DDX10: variants seen among roughly 807,000 people sequenced by gnomAD.
DDX10 encodes the protein probable ATP-dependent RNA helicase DDX10.
In DDX10, 74 loss-of-function variants were observed where a neutral mutation model predicts 104.3. The ratio of observed to expected loss-of-function variants is 0.71; its 90% CI spans 0.59 to 0.86. The LOEUF is 0.86. Ranked by LOEUF, DDX10 falls within the 40% of genes least tolerant of loss-of-function variation. The pLI, the probability that DDX10 is intolerant of heterozygous loss-of-function variation, is 0.00. For synonymous variants in DDX10, 351 were observed against 353.4 expected (o/e 0.99, Z 0.08); for missense variants, 952 against 1,040.0 (o/e 0.92, Z 1.16).
chr11:108,813,265 T>C (rs1030028522), intron 13 of DDX10, among the ~76,000 whole-genome samples: 2 of 150,488 alleles, frequency 1.3e-5, no homozygotes, highest in African/African-American at 2.4e-5. Flanking sequence ...TAATATCTGA[T>C]GCCACTTTTT....
intron 4 of DDX10, among the ~76,000 whole-genome samples, chr11:108,677,628 A>C (rs1050452564): frequency 1.3e-5 from 2 of 150,978 alleles, no homozygotes; most frequent in Admixed American, 6.7e-5. Context: ...AAAGGAAGGT[A>C]GACTCTTTAG....
intron 13 of DDX10, among the ~76,000 whole-genome samples, chr11:108,737,649 C>G (rs115816277): frequency 1.3e-5 from 2 of 152,174 alleles, no homozygotes; most frequent in Admixed American, 6.5e-5. Context: ...TCACTTATTG[C>G]AGCTTTTGGA....
At chr11:108,745,945 A>C (rs966147053) in intron 13 of DDX10, among the ~76,000 whole-genome samples, 1 of 152,106 alleles carries the variant, frequency 6.6e-6, no homozygotes, top group Non-Finnish European at 1.5e-5. Flanking sequence ...TTAGTCATTT[A>C]AAGTATGTAA....
At chr11:108,774,280 C>T (rs999844152) in intron 13 of DDX10, among the ~76,000 whole-genome samples, 2 of 152,222 alleles carry the variant, frequency 1.3e-5, no homozygotes, top group African/African-American at 4.8e-5. Context: ...ATCTTGTGGG[C>T]ATTGCCCTTT....
At chr11:108,859,129 A>G (rs1862908093) in intron 16 of DDX10, among the ~76,000 whole-genome samples, 1 of 152,076 alleles carries the variant, frequency 6.6e-6, no homozygotes, top group Admixed American at 6.5e-5. Context: ...GTCGGATTGC[A>G]CTCCTTGACT....
chr11:108,792,352 G>T (rs1257072839), intron 13 of DDX10, among the ~76,000 whole-genome samples: 1 of 152,076 alleles, frequency 6.6e-6, no homozygotes, highest in African/African-American at 2.4e-5. Context: ...AGGTCACAAA[G>T]GTTTTTGTCC....
chr11:108,812,721 C>G (rs571353238), intron 13 of DDX10, among the ~76,000 whole-genome samples: 3 of 152,156 alleles, frequency 2.0e-5, no homozygotes, highest in East Asian at 1.9e-4. Flanking sequence ...GTGGCTCATG[C>G]CTGTAATCCC....
intron 17 of DDX10, among the ~76,000 whole-genome samples, chr11:108,938,100 C>T (rs1303873363): frequency 1.3e-5 from 2 of 152,238 alleles, no homozygotes; most frequent in Admixed American, 6.5e-5. Context: ...CCTTTTTCGA[C>T]CTCTATTGCA....
At chr11:108,886,977 C>G (rs1431891754) in intron 16 of DDX10, among the ~76,000 whole-genome samples, 2 of 152,152 alleles carry the variant, frequency 1.3e-5, no homozygotes, top group African/African-American at 4.8e-5. Context: ...ATTTTGTCTT[C>G]TGGGCTGCCT....
chr11:108,918,717 A>G (rs1020144871), intron 17 of DDX10: 4 of 152,326 alleles, frequency 2.6e-5, no homozygotes, highest in South Asian at 2.1e-4. Flanking sequence ...TCTATTTGCT[A>G]TTATTTATTT....
intron 13 of DDX10, among the ~76,000 whole-genome samples, chr11:108,773,421 T>C (rs1489530563): frequency 6.6e-6 from 1 of 152,248 alleles, no homozygotes; most frequent in Admixed American, 6.5e-5. Context: ...ACCTGTGTTC[T>C]TTAACTGCCA....
At chr11:108,816,423 A>C (rs952561954) in intron 13 of DDX10, among the ~76,000 whole-genome samples, 1 of 152,078 alleles carries the variant, frequency 6.6e-6, no homozygotes, top group African/African-American at 2.4e-5. Flanking sequence ...GTTTTCTCTA[A>C]ATCTTTTATC....
intron 16 of DDX10, among the ~76,000 whole-genome samples, chr11:108,890,435 C>T (rs1863360058): frequency 6.6e-6 from 1 of 152,088 alleles, no homozygotes; most frequent in African/African-American, 2.4e-5. Flanking sequence ...TCGGCTATTC[C>T]TATTCCAGAG....
rs113506050 is a variant in DDX10, at chr11:108,665,137, T to TCGCCGC, written c.-7_-2dup. ...TCGTGTCTGGGGTTGATCCGAGCTG[T>TCGCCGC]CGCCGCCGCCGCCGCAATGGGCAAA... is the stretch of plus-strand genomic sequence containing the variant. On this transcript the variant is annotated 5_prime_UTR_variant, in exon 1 of 18. Transcript: ENST00000322536. The TCGCCGC allele has an allele frequency of 5.3e-5, 85 of 1,598,086 alleles. No individual in the cohort carries two copies. In the East Asian group the frequency reaches 8.8e-4, roughly 17 times the overall value.
intron 16 of DDX10, among the ~76,000 whole-genome samples, chr11:108,902,605 C>T (rs1344040190): frequency 6.6e-6 from 1 of 151,992 alleles, no homozygotes; most frequent in East Asian, 1.9e-4. Context: ...GATTTTTTTT[C>T]TCTCATTGAA....
intron 16 of DDX10, among the ~76,000 whole-genome samples, chr11:108,862,549 T>C (rs1031149940): frequency 1.3e-5 from 2 of 152,254 alleles, no homozygotes; most frequent in Admixed American, 6.5e-5. Context: ...TAAAATCCCC[T>C]TGTTCCAAGA....
chr11:108,932,436 T>G (rs965010515), intron 17 of DDX10, among the ~76,000 whole-genome samples: 4 of 151,892 alleles, frequency 2.6e-5, no homozygotes, highest in Non-Finnish European at 5.9e-5. Context: ...TTGGGCAACA[T>G]AGCAAGACCC....
intron 13 of DDX10, among the ~76,000 whole-genome samples, chr11:108,817,412 A>G (rs1284294843): frequency 6.6e-6 from 1 of 152,180 alleles, no homozygotes; most frequent in Non-Finnish European, 1.5e-5. Context: ...TATGTAGATC[A>G]TTGCATGAGT....
chr11:108,834,031 C>T (rs1393572770), intron 13 of DDX10, among the ~76,000 whole-genome samples: 1 of 152,080 alleles, frequency 6.6e-6, no homozygotes, highest in East Asian at 1.9e-4. Context: ...TCACAGCTCA[C>T]TGTAGTCTTG....
Sources: allele counts gnomAD v4.1 joint callset (sites outside exome capture counted in the v4.1 genomes callset), GRCh38; gene constraint gnomAD v4.1.1; transcripts MANE v1.5; gene names NCBI Gene and HGNC (gene_info 2026-07-23, HGNC 2026-07-21).